Variants in AGBL4 observed in about 807,000 individuals in gnomAD.
The protein encoded by AGBL4 is AGBL carboxypeptidase 4, also known as cytosolic carboxypeptidase 6.
AGBL4 carries 58 observed loss-of-function variants against 66.4 expected under a neutral mutation model. The observed-to-expected ratio is 0.87, with a 90% confidence interval of 0.71 to 1.09. The LOEUF is 1.09. Among genes scored for constraint, AGBL4 ranks in the 50% least tolerant of loss-of-function variants. The pLI, the probability that AGBL4 is intolerant of heterozygous loss-of-function variation, is 0.00. For synonymous variants in AGBL4, 234 were observed against 222.9 expected (o/e 1.05, Z -0.44); for missense variants, 579 against 631.0 (o/e 0.92, Z 0.88).
intron 4 of AGBL4, among the ~76,000 whole-genome samples, chr1:49,196,188 AT>A (rs1274933517): frequency 6.6e-6 from 1 of 152,182 alleles, no homozygotes; most frequent in Non-Finnish European, 1.5e-5. Context: ...GTCACTTTAT[AT>A]AGTTGCATAC....
intron 3 of AGBL4, among the ~76,000 whole-genome samples, chr1:49,343,877 G>A (rs531272451): frequency 3.3e-5 from 5 of 152,154 alleles, no homozygotes; most frequent in Non-Finnish European, 7.4e-5. Flanking sequence ...TTTAGTTCAT[G>A]TGACTTTAGT....
intron 5 of AGBL4, among the ~76,000 whole-genome samples, chr1:48,904,018 G>A (rs370084580): frequency 6.6e-6 from 1 of 152,126 alleles, no homozygotes; most frequent in East Asian, 1.9e-4. Flanking sequence ...GTGGCTCACA[G>A]CTGCAATCCC....
intron 3 of AGBL4, among the ~76,000 whole-genome samples, chr1:49,275,902 A>T (rs941128587): frequency 2.0e-5 from 3 of 152,150 alleles, no homozygotes; most frequent in African/African-American, 7.2e-5. Context: ...ACCAGTCATT[A>T]TACCTGCTGA....
At chr1:49,762,366 T>C (rs1236850770) in intron 2 of AGBL4, among the ~76,000 whole-genome samples, 1 of 152,132 alleles carries the variant, frequency 6.6e-6, no homozygotes, top group Non-Finnish European at 1.5e-5. Flanking sequence ...GCCATTTGTA[T>C]GTCTGTTTTA....
At chr1:49,978,127 A>G (rs1197614594) in intron 1 of AGBL4, among the ~76,000 whole-genome samples, 1 of 152,200 alleles carries the variant, frequency 6.6e-6, no homozygotes, top group Non-Finnish European at 1.5e-5. Flanking sequence ...GATGGCCACT[A>G]CTTTTTGTTT....
intron 5 of AGBL4, among the ~76,000 whole-genome samples, chr1:48,948,280 A>G (rs1294137805): frequency 6.6e-6 from 1 of 152,186 alleles, no homozygotes; most frequent in African/African-American, 2.4e-5. Context: ...CTTTGTCAGC[A>G]GTTTGTAAAT....
chr1:49,924,557 T>C (rs1190882198), intron 1 of AGBL4, among the ~76,000 whole-genome samples: 1 of 152,148 alleles, frequency 6.6e-6, no homozygotes, highest in Non-Finnish European at 1.5e-5. Context: ...TTATTTAGCA[T>C]TTACTATCTA....
intron 4 of AGBL4, among the ~76,000 whole-genome samples, chr1:49,238,133 A>C (rs773281926): frequency 1.1e-4 from 16 of 152,038 alleles, no homozygotes; most frequent in Non-Finnish European, 1.9e-4. Flanking sequence ...CTTTGTCTTT[A>C]ATTTTCACAC....
chr1:49,272,455 C>T (rs1247317422), intron 3 of AGBL4, among the ~76,000 whole-genome samples: 1 of 152,042 alleles, frequency 6.6e-6, no homozygotes, highest in Non-Finnish European at 1.5e-5. Context: ...TTATAAAATC[C>T]AGTGGTAAAT....
chr1:49,989,165 T>C (rs1659733581), intron 1 of AGBL4, among the ~76,000 whole-genome samples: 1 of 152,250 alleles, frequency 6.6e-6, no homozygotes, highest in South Asian at 2.1e-4. Context: ...AGTTCCCAAG[T>C]GGGTTGAAAG....
At chr1:49,921,026 C>A (rs1407160936) in intron 1 of AGBL4, among the ~76,000 whole-genome samples, 1 of 152,046 alleles carries the variant, frequency 6.6e-6, no homozygotes, top group Admixed American at 6.5e-5. Flanking sequence ...CACTCATAGT[C>A]GGGAACTGAA....
intron 11 of AGBL4, among the ~76,000 whole-genome samples, chr1:48,564,033 G>C (rs1217915575): frequency 6.6e-6 from 1 of 152,122 alleles, no homozygotes; most frequent in East Asian, 1.9e-4. Flanking sequence ...TGATCAGCCA[G>C]GGGGGTATTG....
At chr1:49,052,128 C>T (rs1254339278) in intron 4 of AGBL4, among the ~76,000 whole-genome samples, 1 of 148,930 alleles carries the variant, frequency 6.7e-6, no homozygotes, top group Non-Finnish European at 1.5e-5. Flanking sequence ...GACACCCACA[C>T]ACTGTGGCAG....
chr1:49,869,337 A>G (rs1220960889), intron 1 of AGBL4, among the ~76,000 whole-genome samples: 2 of 152,220 alleles, frequency 1.3e-5, no homozygotes, highest in African/African-American at 4.8e-5. Context: ...AAGACATGTA[A>G]TCAACCCAAA....
At chr1:49,132,676 A>G (rs1645923830) in intron 4 of AGBL4, among the ~76,000 whole-genome samples, 1 of 152,206 alleles carries the variant, frequency 6.6e-6, no homozygotes, top group South Asian at 2.1e-4. Context: ...ATGCAAATCA[A>G]AACCACAATG....
At chr1:48,598,249 A>T (rs1224872463) in intron 9 of AGBL4, among the ~76,000 whole-genome samples, 1 of 152,210 alleles carries the variant, frequency 6.6e-6, no homozygotes, top group Non-Finnish European at 1.5e-5. Context: ...TTAGGGGGGC[A>T]TGAATGAGGC....
intron 4 of AGBL4, among the ~76,000 whole-genome samples, chr1:49,089,635 G>C (rs1644968210): frequency 1.3e-5 from 2 of 152,150 alleles, no homozygotes; most frequent in Non-Finnish European, 2.9e-5. Flanking sequence ...CCTAGGACCA[G>C]ATGGAAGCAC....
At chr1:48,956,494 A>G (rs1454898680) in intron 5 of AGBL4, among the ~76,000 whole-genome samples, 1 of 152,214 alleles carries the variant, frequency 6.6e-6, no homozygotes, top group Non-Finnish European at 1.5e-5. Context: ...TTTCTTTAAA[A>G]ATTTTCCCAA....
intron 3 of AGBL4, among the ~76,000 whole-genome samples, chr1:49,517,522 G>C (rs1046458028): frequency 6.6e-6 from 1 of 151,936 alleles, no homozygotes; most frequent in African/African-American, 2.4e-5. Context: ...AGACAAAGGA[G>C]AATGAGGGTC....
Sources: gnomAD v4.1 joint callset for allele counts (sites outside exome capture counted in the v4.1 genomes callset) on GRCh38, gnomAD v4.1.1 for gene constraint, MANE v1.5 for transcripts, NCBI Gene and HGNC (gene_info 2026-07-23, HGNC 2026-07-21) for gene names.